DNAH11: variants seen among roughly 807,000 people sequenced by gnomAD.
The protein encoded by DNAH11 is dynein axonemal heavy chain 11.
A neutral mutation model predicts 526.0 loss-of-function variants in DNAH11; 442 were observed. The ratio of observed to expected loss-of-function variants is 0.84; its 90% CI spans 0.78 to 0.91. DNAH11 has a LOEUF of 0.91. Among genes scored for constraint, DNAH11 ranks in the 40% least tolerant of loss-of-function variants. The pLI is 0.00. For synonymous variants in DNAH11, 2,461 were observed against 1,935.9 expected (o/e 1.27, Z -7.12); for missense variants, 6,989 against 5,448.7 (o/e 1.28, Z -8.90).
At chr7:21,800,278 C>T (rs6956349) in intron 61 of DNAH11, among the ~76,000 whole-genome samples, 46,570 of 152,094 alleles carry the variant, frequency 0.31, 9,065 homozygotes, top group Non-Finnish European at 0.44. Context: ...CACATCCTCC[C>T]AGGTCTTTCA....
At chr7:21,608,478 A>T (rs1413652494) in intron 20 of DNAH11, among the ~76,000 whole-genome samples, 1 of 152,182 alleles carries the variant, frequency 6.6e-6, no homozygotes, top group African/African-American at 2.4e-5. Context: ...GATGCGGCTG[A>T]CAGAGCCCTT....
rs905078617 is a variant in DNAH11 at position 21,647,744 on chromosome 7, C to A, written c.4945-8088C>A. The stretch of plus-strand genomic sequence containing the variant: ...CTGCACCTGGCCTACAGTGGAGTAG[C>A]AGTTTCAATGTACTGAAAGAAAAAA... On this transcript the variant is annotated intron_variant, in intron 28 of 81. Transcript: ENST00000409508. Among the ~76,000 whole-genome samples, 15 of 151,950 alleles carry A rather than the reference C, an allele frequency of 9.9e-5. No individual in the cohort carries two copies. In the South Asian group the frequency reaches 2.7e-3, roughly 27 times the overall value.
intron 65 of DNAH11, among the ~76,000 whole-genome samples, chr7:21,841,907 G>A (rs1327561656): frequency 6.6e-6 from 1 of 152,140 alleles, no homozygotes; most frequent in Admixed American, 6.5e-5. Context: ...AAGATTTTCT[G>A]CTTTGTACAC....
At chr7:21,677,478 G>A (rs182420740) in intron 30 of DNAH11, among the ~76,000 whole-genome samples, 3 of 152,066 alleles carry the variant, frequency 2.0e-5, no homozygotes, top group Non-Finnish European at 4.4e-5. Flanking sequence ...ACATCTCAGA[G>A]TCAAGCGATT....
intron 63 of DNAH11, among the ~76,000 whole-genome samples, chr7:21,815,143 A>G (rs1583727457): frequency 6.6e-6 from 1 of 152,110 alleles, no homozygotes; most frequent in Non-Finnish European, 1.5e-5. Flanking sequence ...TACTCAAACT[A>G]TGGATTTTGG....
chr7:21,795,848 G>T (rs1323565536), intron 61 of DNAH11, among the ~76,000 whole-genome samples: 1 of 152,218 alleles, frequency 6.6e-6, no homozygotes, highest in Non-Finnish European at 1.5e-5. Context: ...CGTGAGGATG[G>T]GGTTGGGTGC....
rs755910385 is a variant in DNAH11 at position 21,842,597 on chromosome 7, T to C, written c.10745T>C (p.Ile3582Thr). 1 of 1,613,962 alleles carries C rather than the reference T, an allele frequency of 6.2e-7. No homozygotes were observed. Among genetic ancestry groups the C allele is most frequent in the South Asian group, 1.1e-5 (1 of 91,082 alleles). ...GAATTTAACAAGAACTTTCGCCTTA[T>C]CCTTCACACAAAATTGGCAAATCCT... Reference protein sequence around the residue: ...ECEFNKNFRLILHTKLANPHY... With the variant: ...ECEFNKNFRLTLHTKLANPHY... Residue 3582 changes from isoleucine (I) to threonine (T), a missense_variant, in exon 66 of 82, where the codon ATC becomes ACC. By Grantham distance (89) the Ile-to-Thr change is moderately conservative. Coordinates refer to ENST00000409508, the MANE Select transcript of DNAH11 (RefSeq NM_001277115.2).
intron 28 of DNAH11, among the ~76,000 whole-genome samples, chr7:21,651,859 A>G (rs1781792294): frequency 6.6e-6 from 1 of 152,192 alleles, no homozygotes; most frequent in Admixed American, 6.5e-5. Context: ...TAAGTAACAG[A>G]TGTGCATCAT....
At chr7:21,604,453 T>C (rs1324246499) in intron 18 of DNAH11, among the ~76,000 whole-genome samples, 3 of 152,158 alleles carry the variant, frequency 2.0e-5, no homozygotes, top group Middle Eastern at 3.2e-3. Context: ...TCAGAAACCT[T>C]CATTAACTGC....
chr7:21,802,414 T>G (rs951144398), intron 62 of DNAH11, among the ~76,000 whole-genome samples: 1 of 152,110 alleles, frequency 6.6e-6, no homozygotes, highest in Admixed American at 6.6e-5. Flanking sequence ...GTTCTGCAGT[T>G]CCTCAAAACG....
intron 51 of DNAH11, among the ~76,000 whole-genome samples, chr7:21,747,736 G>A (rs936532433): frequency 1.1e-4 from 16 of 152,206 alleles, no homozygotes; most frequent in African/African-American, 3.9e-4. Context: ...TACAAGGGAA[G>A]GCTTTAGTGT....
intron 27 of DNAH11, 37 bp from the exon 28 acceptor site, chr7:21,638,902 G>C: frequency 6.3e-7 from 1 of 1,583,256 alleles, no homozygotes; most frequent in Non-Finnish European, 8.6e-7. Context: ...TGACTGAAGG[G>C]ACAAGATATG....
intron 25 of DNAH11, among the ~76,000 whole-genome samples, chr7:21,623,964 A>ATAG (rs909872343): frequency 1.3e-5 from 2 of 150,228 alleles, no homozygotes; most frequent in Non-Finnish European, 3.0e-5. Context: ...TTAAAGTATA[A>ATAG]TAATAATAAT....
intron 74 of DNAH11, among the ~76,000 whole-genome samples, chr7:21,880,084 C>CAAAA (rs57931095): frequency 5.3e-5 from 5 of 93,668 alleles, no homozygotes; most frequent in Admixed American, 1.1e-4. Context: ...GACTCCGTCT[C>CAAAA]AAAAAAAAAA....
At chr7:21,798,540 A>G (rs550071473) in intron 61 of DNAH11, among the ~76,000 whole-genome samples, 1 of 152,338 alleles carries the variant, frequency 6.6e-6, no homozygotes, top group South Asian at 2.1e-4. Flanking sequence ...AATGCCTTCC[A>G]TTAAGTTGGT....
At chr7:21,651,719 G>T (rs1781780348) in intron 28 of DNAH11, among the ~76,000 whole-genome samples, 1 of 152,194 alleles carries the variant, frequency 6.6e-6, no homozygotes, top group Non-Finnish European at 1.5e-5. Context: ...AGTCACTAAG[G>T]TTTGGTTAAA....
At chr7:21,763,421 G>C (rs1268136003) in intron 54 of DNAH11, among the ~76,000 whole-genome samples, 1 of 150,578 alleles carries the variant, frequency 6.6e-6, no homozygotes, top group African/African-American at 2.4e-5. Flanking sequence ...TCACTAATCA[G>C]GGAAATGCAA....
chr7:21,744,970 T>G lies in DNAH11; in HGVS notation c.8417T>G (p.Val2806Gly). 1 of 1,610,432 alleles carries G rather than the reference T, an allele frequency of 6.2e-7. No individual in the cohort carries two copies. The highest frequency in any genetic ancestry group is 8.5e-7 in the Non-Finnish European group (1 of 1,178,328). ...TACATGCCAGTGAAGGACTGGGAAG[T>G]GCTGAAGACGATTCTTACAGAAACG... is the stretch of plus-strand genomic sequence containing the variant. ...PHYMPVKDWE[V>G]LKTILTETLD... Residue 2806 changes from valine to glycine, a missense_variant, in exon 51 of 82, where the codon GTG (valine) becomes GGG (glycine). By Grantham distance (109) the Val-to-Gly change is moderately radical. Transcript: ENST00000409508.
intron 7 of DNAH11, among the ~76,000 whole-genome samples, chr7:21,570,899 AAGTTT>A (rs1316343181): frequency 1.4e-5 from 2 of 140,658 alleles, no homozygotes; most frequent in Non-Finnish European, 3.1e-5. Context: ...AAAAAAAAAA[AAGTTT>A]AAATTGATGA....
Sources: gnomAD v4.1 joint callset for allele counts (sites outside exome capture counted in the v4.1 genomes callset) on GRCh38, gnomAD v4.1.1 for gene constraint, MANE v1.5 for transcripts, NCBI Gene and HGNC (gene_info 2026-07-23, HGNC 2026-07-21) for gene names.